Variants in MARCHF3 observed in about 807,000 individuals in gnomAD.
The protein encoded by MARCHF3 is E3 ubiquitin-protein ligase MARCHF3.
In MARCHF3, 13 loss-of-function variants were observed where a neutral mutation model predicts 24.2. That is an observed-to-expected ratio of 0.54 (90% CI 0.35 to 0.85). The LOEUF is 0.85. MARCHF3 is among the 40% of genes least tolerant of loss of function. The pLI is 0.01. For missense variants in MARCHF3, 276 were observed against 325.0 expected (o/e 0.85, Z 1.16); for synonymous variants, 144 against 137.3 (o/e 1.05, Z -0.34).
At chr5:126,983,102 A>G (rs1322798825) in intron 1 of MARCHF3, among the ~76,000 whole-genome samples, 1 of 152,180 alleles carries the variant, frequency 6.6e-6, no homozygotes, top group Admixed American at 6.5e-5. Context: ...TTGTGCTTCT[A>G]TCTTCCCTCT....
In MARCHF3 at chr5:127,005,882, G is replaced by C. The variant is rs139942304; in HGVS notation, c.-57+24468C>G. 1.1e-4 allele frequency among the ~76,000 whole-genome samples: 16 copies of C among 152,140 alleles called. No individual in the cohort carries two copies. The East Asian group carries it at 3.1e-3, about 29-fold the overall frequency. ...ACAAACATCAACATTACAAAAGCAT[G>C]AAATAAATATAAAATAAACCATACT... On this transcript the variant is annotated intron_variant, in intron 1 of 4. Coordinates refer to ENST00000308660, the MANE Select transcript of MARCHF3 (RefSeq NM_178450.5).
At position 126,868,814 on chromosome 5, in the gene MARCHF3, A is replaced by G. The variant is rs1313823177; in HGVS notation, c.*1819T>C. 6.6e-6 allele frequency: 1 copy of G among 152,238 alleles called. No individual in the cohort carries two copies. The highest frequency in any genetic ancestry group is 1.9e-4 in the East Asian group (1 of 5,190). 9.4% of individuals were successfully genotyped at this position (152,238 alleles called of 1,614,324 possible). A position where few individuals can be genotyped will look rare whatever the true frequency, so the allele number is the denominator to read the frequency against. On this transcript the variant is annotated 3_prime_UTR_variant, in exon 5 of 5. Coordinates refer to ENST00000308660, the MANE Select transcript of MARCHF3 (RefSeq NM_178450.5). ...CCAAGTTGGACTCTTTGCTCTGGAA[A>G]TTTAATGTGTGGCAGCTGCGTGCAG...
intron 1 of MARCHF3, among the ~76,000 whole-genome samples, chr5:126,945,142 C>T (rs906554374): frequency 2.6e-5 from 4 of 152,170 alleles, no homozygotes; most frequent in Non-Finnish European, 5.9e-5. Context: ...ACAGCCAGCT[C>T]GTACTGTCTC....
At chr5:127,020,555 A>G (rs1752762387) in intron 1 of MARCHF3, among the ~76,000 whole-genome samples, 1 of 152,174 alleles carries the variant, frequency 6.6e-6, no homozygotes, top group Admixed American at 6.5e-5. Context: ...GTGCCCTTAT[A>G]AAAAGAGACC....
chr5:126,954,085 C>T (rs1484784973), intron 1 of MARCHF3, among the ~76,000 whole-genome samples: 1 of 151,834 alleles, frequency 6.6e-6, no homozygotes, highest in African/African-American at 2.4e-5. Context: ...CTCACCCTGT[C>T]GCCCAGGCGC....
At chr5:126,927,335 G>T (rs1287243711) in intron 1 of MARCHF3, among the ~76,000 whole-genome samples, 2 of 152,184 alleles carry the variant, frequency 1.3e-5, no homozygotes, top group Middle Eastern at 3.2e-3. Flanking sequence ...ATGGAGAATA[G>T]GGTCTCTCTC....
intron 1 of MARCHF3, among the ~76,000 whole-genome samples, chr5:126,941,039 A>C (rs960336001): frequency 3.9e-5 from 6 of 152,204 alleles, no homozygotes; most frequent in Admixed American, 6.5e-5. Flanking sequence ...AAAATTAATG[A>C]ATGTGACATG....
chr5:126,886,443 C>T (rs1043291858), intron 3 of MARCHF3, among the ~76,000 whole-genome samples: 1 of 152,106 alleles, frequency 6.6e-6, no homozygotes, highest in African/African-American at 2.4e-5. Flanking sequence ...ATTGTGGTTC[C>T]CCCAAATGCT....
intron 4 of MARCHF3, 21 bp from the exon 5 acceptor site, chr5:126,870,812 G>A: frequency 1.9e-6 from 3 of 1,612,478 alleles, no homozygotes; most frequent in Non-Finnish European, 2.5e-6. Flanking sequence ...GAGAGGAAAA[G>A]TAAGAGAAAA....
chr5:127,026,205 A>G (rs1752994191), intron 1 of MARCHF3, among the ~76,000 whole-genome samples: 1 of 152,238 alleles, frequency 6.6e-6, no homozygotes, highest in South Asian at 2.1e-4. Flanking sequence ...AACTGGGCAG[A>G]AATCAGTCCC....
At chr5:126,905,978 G>A (rs1754278750) in intron 3 of MARCHF3, among the ~76,000 whole-genome samples, 1 of 151,890 alleles carries the variant, frequency 6.6e-6, no homozygotes, top group Non-Finnish European at 1.5e-5. Flanking sequence ...TTATTATTTT[G>A]AGATACGTCC....
intron 1 of MARCHF3, among the ~76,000 whole-genome samples, chr5:126,955,026 C>T (rs1479516514): frequency 1.3e-5 from 2 of 152,200 alleles, no homozygotes; most frequent in Non-Finnish European, 2.9e-5. Context: ...TGTACCATAA[C>T]ATCCATACTC....
At chr5:127,008,400 G>A (rs1000702294) in intron 1 of MARCHF3, among the ~76,000 whole-genome samples, 1 of 152,202 alleles carries the variant, frequency 6.6e-6, no homozygotes, top group Non-Finnish European at 1.5e-5. Context: ...TTACTGGGGT[G>A]AGTTTTCTTC....
At chr5:126,920,380 T>C (rs1435662890) in intron 1 of MARCHF3, among the ~76,000 whole-genome samples, 1 of 152,212 alleles carries the variant, frequency 6.6e-6, no homozygotes, top group Non-Finnish European at 1.5e-5. Flanking sequence ...TGATTTTAAA[T>C]TCTCATAATG....
At chr5:126,911,309 A>C (rs1754523775) in intron 3 of MARCHF3, among the ~76,000 whole-genome samples, 1 of 152,100 alleles carries the variant, frequency 6.6e-6, no homozygotes, top group Non-Finnish European at 1.5e-5. Flanking sequence ...ATCACTAACA[A>C]AAACTTGCTG....
At chr5:126,963,735 CTCT>C (rs1750719711) in intron 1 of MARCHF3, among the ~76,000 whole-genome samples, 1 of 152,132 alleles carries the variant, frequency 6.6e-6, no homozygotes, top group Non-Finnish European at 1.5e-5. Context: ...AGGATTTTGA[CTCT>C]TCTTTAATTG....
At chr5:126,938,677 A>G (rs1749726329) in intron 1 of MARCHF3, among the ~76,000 whole-genome samples, 1 of 151,956 alleles carries the variant, frequency 6.6e-6, no homozygotes, top group African/African-American at 2.4e-5. Context: ...AGGCATCACA[A>G]CTCATTCACT....
intron 1 of MARCHF3, among the ~76,000 whole-genome samples, chr5:126,991,261 A>G (rs1391251408): frequency 6.6e-6 from 1 of 152,206 alleles, no homozygotes; most frequent in Non-Finnish European, 1.5e-5. Context: ...ACATGGATGA[A>G]GCTGGAAACC....
intron 1 of MARCHF3, among the ~76,000 whole-genome samples, chr5:126,931,531 TA>T (rs1749478663): frequency 6.6e-6 from 1 of 151,180 alleles, no homozygotes; most frequent in African/African-American, 2.4e-5. Context: ...ACTTCTTGGC[TA>T]GTGTAAATAA....
Sources: gnomAD v4.1 joint callset for allele counts (sites outside exome capture counted in the v4.1 genomes callset) on GRCh38, gnomAD v4.1.1 for gene constraint, MANE v1.5 for transcripts, NCBI Gene and HGNC (gene_info 2026-07-23, HGNC 2026-07-21) for gene names.